Variants in MAST4 observed in about 807,000 individuals in gnomAD.
MAST4 encodes the protein microtubule-associated serine/threonine-protein kinase 4.
Under a neutral mutation model 162.7 loss-of-function variants are expected in MAST4, and 89 were observed. The observed-to-expected ratio is 0.55, with a 90% confidence interval of 0.46 to 0.65. MAST4 has a LOEUF of 0.65. Ranked by LOEUF, MAST4 falls within the 30% of genes least tolerant of loss-of-function variation. The pLI, the probability that MAST4 is intolerant of heterozygous loss-of-function variation, is 0.00. For missense variants in MAST4, 3,153 were observed against 3,374.0 expected, an observed-to-expected ratio of 0.93 and a Z score of 1.62; for synonymous variants, 1,479 against 1,361.1, an observed-to-expected ratio of 1.09 and a Z score of -1.91.
intron 1 of MAST4, among the ~76,000 whole-genome samples, chr5:66,602,371 G>A (rs914478471): frequency 4.6e-5 from 7 of 152,158 alleles, no homozygotes; most frequent in Non-Finnish European, 8.8e-5. Context: ...ACCAAAGAAC[G>A]AAGGCTTTTA....
chr5:66,879,519 G>C (rs985628608), intron 3 of MAST4, among the ~76,000 whole-genome samples: 6 of 152,120 alleles, frequency 3.9e-5, no homozygotes, highest in African/African-American at 1.2e-4. Context: ...GTTTTGTTTT[G>C]TTTTTTGAGA....
chr5:66,849,875 T>C (rs1759175662), intron 3 of MAST4, among the ~76,000 whole-genome samples: 1 of 152,230 alleles, frequency 6.6e-6, no homozygotes, highest in African/African-American at 2.4e-5. Flanking sequence ...AAAAGAAATA[T>C]AATTTGATAA....
intron 4 of MAST4, among the ~76,000 whole-genome samples, chr5:66,918,208 A>T (rs1165183232): frequency 2.0e-5 from 3 of 152,178 alleles, no homozygotes; most frequent in African/African-American, 7.2e-5. Context: ...TTAAGGGGTT[A>T]AAGTTTTCAA....
Position 67,093,487 on chromosome 5 carries a change from C to T in MAST4, c.834-2110C>T, listed in dbSNP as rs1380763451. 9.9e-6 allele frequency: 3 copies of T among 303,242 alleles called. No individual in the cohort carries two copies. The East Asian group carries it at 2.4e-4, about 25-fold the overall frequency. 18.8% of individuals were successfully genotyped at this position (303,242 alleles called of 1,614,324 possible). Reference sequence around the variant, plus strand: ...TGCAGTTGTCATGGTGATGAAAATGCAGTGGTCCTTTGTGCTCCATTTGAG... The same window carrying T: ...TGCAGTTGTCATGGTGATGAAAATGTAGTGGTCCTTTGTGCTCCATTTGAG... On this transcript the variant is annotated intron_variant, in intron 6 of 28. Transcript: ENST00000403625.
chr5:66,662,199 A>G (rs1746957277), intron 1 of MAST4: 1 of 151,930 alleles, frequency 6.6e-6, no homozygotes, highest in South Asian at 2.1e-4. Flanking sequence ...TGAATTCTAT[A>G]TTATCTGATA....
rs369695771 is a variant in MAST4, at chr5:66,688,864, A to G, written c.364-70845A>G. ...GGACAGAGCCTATGAGGACCTTCCC[A>G]TGACAGCCCTAATAGTATGTTGGGA... On this transcript the variant is annotated intron_variant, in intron 1 of 28. Coordinates refer to ENST00000403625, the MANE Select transcript of MAST4 (RefSeq NM_001164664.2). Among the ~76,000 whole-genome samples the G allele has an allele frequency of 2.2e-4, 33 of 152,288 alleles. No homozygotes were observed. The South Asian group carries it at 6.8e-3, about 32-fold the overall frequency.
At chr5:66,741,374 C>T (rs569788497) in intron 1 of MAST4, among the ~76,000 whole-genome samples, 3 of 152,304 alleles carry the variant, frequency 2.0e-5, no homozygotes, top group African/African-American at 7.2e-5. Context: ...ATAGTAGATG[C>T]TCAGTGAATT....
chr5:66,739,435 G>A (rs1220615274), intron 1 of MAST4, among the ~76,000 whole-genome samples: 1 of 151,876 alleles, frequency 6.6e-6, no homozygotes, highest in East Asian at 1.9e-4. Flanking sequence ...AGAAATAGGT[G>A]GTAGAGAATG....
At chr5:66,912,769 G>A (rs1410449021) in intron 4 of MAST4, among the ~76,000 whole-genome samples, 1 of 151,940 alleles carries the variant, frequency 6.6e-6, no homozygotes, top group Admixed American at 6.6e-5. Flanking sequence ...GATGTTGGTT[G>A]GTCATACCTT....
intron 3 of MAST4, among the ~76,000 whole-genome samples, chr5:66,815,872 G>A (rs987107190): frequency 6.6e-6 from 1 of 152,148 alleles, no homozygotes; most frequent in Admixed American, 6.5e-5. Context: ...GTGGTGACAG[G>A]TTTTCAGGGT....
intron 1 of MAST4, among the ~76,000 whole-genome samples, chr5:66,687,581 T>C (rs1748756140): frequency 6.6e-6 from 1 of 151,172 alleles, no homozygotes; most frequent in African/African-American, 2.5e-5. Context: ...CATGTATATG[T>C]GTATATATAT....
intron 7 of MAST4, among the ~76,000 whole-genome samples, chr5:67,096,282 A>T (rs1387362902): frequency 1.3e-5 from 2 of 152,200 alleles, no homozygotes; most frequent in Non-Finnish European, 2.9e-5. Context: ...TCAACAAGAG[A>T]CCTAGCAATT....
At chr5:66,771,815 A>G (rs1221300840) in intron 2 of MAST4, among the ~76,000 whole-genome samples, 2 of 150,634 alleles carry the variant, frequency 1.3e-5, no homozygotes, top group Admixed American at 1.3e-4. Flanking sequence ...GCGTAATCAT[A>G]TTCCTTTTTC....
intron 4 of MAST4, among the ~76,000 whole-genome samples, chr5:66,908,496 T>C (rs182701826): frequency 8.1e-4 from 124 of 152,268 alleles, no homozygotes; most frequent in African/African-American, 2.8e-3. Context: ...TAAAATGCCA[T>C]TCCCAGTTGA....
chr5:66,730,448 C>T (rs1463687630), intron 1 of MAST4, among the ~76,000 whole-genome samples: 1 of 152,058 alleles, frequency 6.6e-6, no homozygotes, highest in East Asian at 1.9e-4. Context: ...TCATTTACTC[C>T]ACTCTTGGTA....
chr5:66,768,682 G>A (rs1390716031), intron 2 of MAST4, among the ~76,000 whole-genome samples: 1 of 152,114 alleles, frequency 6.6e-6, no homozygotes, highest in Non-Finnish European at 1.5e-5. Context: ...GGCAACATGA[G>A]GGATCCTTGC....
intron 4 of MAST4, among the ~76,000 whole-genome samples, chr5:67,049,058 T>TATATAC (rs1284835940): frequency 4.7e-5 from 5 of 105,888 alleles, no homozygotes; most frequent in Admixed American, 9.6e-5. Context: ...TATATATATA[T>TATATAC]ACGTATATAT....
At chr5:66,877,713 C>G (rs26920) in intron 3 of MAST4, among the ~76,000 whole-genome samples, 131,718 of 152,156 alleles carry the variant, frequency 0.87, 57,332 homozygotes, top group Non-Finnish European at 0.92. Context: ...ATATGGACTC[C>G]TTAGTGTACA....
In MAST4 at chr5:66,934,927, T is replaced by C. The variant is rs541260788; in HGVS notation, c.674+34945T>C. The stretch of plus-strand genomic sequence containing the variant: ...TGTAAATATGTTTCCCAAAGACATA[T>C]GCATTTGAAAGTGATAATTACTATA... On this transcript the variant is annotated intron_variant, in intron 4 of 28. Transcript: ENST00000403625. Among the ~76,000 whole-genome samples, 3 of 152,328 alleles carry C rather than the reference T, an allele frequency of 2.0e-5. No homozygotes were observed. The South Asian group carries it at 6.2e-4, about 32-fold the overall frequency.
Sources: allele counts gnomAD v4.1 joint callset (sites outside exome capture counted in the v4.1 genomes callset), GRCh38; gene constraint gnomAD v4.1.1; transcripts MANE v1.5; gene names NCBI Gene and HGNC (gene_info 2026-07-23, HGNC 2026-07-21).